The following HTR1F variants were observed in gnomAD, a reference collection of about 807,000 sequenced individuals.
HTR1F encodes the protein 5-hydroxytryptamine (serotonin) receptor 1F, G protein-coupled.
A neutral mutation model predicts 24.0 loss-of-function variants in HTR1F; 17 were observed. The ratio of observed to expected loss-of-function variants is 0.71; its 90% confidence interval spans 0.48 to 1.06. HTR1F has a LOEUF of 1.06. Among genes scored for constraint, HTR1F ranks in the 50% least tolerant of loss-of-function variants. The pLI is 0.00. For missense variants in HTR1F, 391 were observed against 427.8 expected (o/e 0.91, Z 0.76); for synonymous variants, 186 against 156.8 (o/e 1.19, Z -1.39).
chr3:87,945,023 T>G (rs1704661643), intron 2 of HTR1F, among the ~76,000 whole-genome samples: 2 of 152,096 alleles, frequency 1.3e-5, no homozygotes, highest in South Asian at 4.2e-4. Flanking sequence ...ACTGGTTGTT[T>G]TGTTTTGTTT....
rs571124511 is a variant in HTR1F, at chr3:87,926,659, T to C, written c.-42-64049T>C. On this transcript the variant is annotated intron_variant, in intron 2 of 2. Transcript: ENST00000319595. ...AATACTGCCCTCATATAGTGTATAC[T>C]GAAAGATCGTTTTATACTGAAAGAT... Among the ~76,000 whole-genome samples the C allele has an allele frequency of 3.3e-5, 5 of 152,274 alleles. No homozygotes were observed. In the South Asian group the frequency reaches 1.0e-3, roughly 32 times the overall value.
intron 2 of HTR1F, among the ~76,000 whole-genome samples, chr3:87,941,874 T>G (rs535322322): frequency 3.3e-5 from 5 of 152,118 alleles, no homozygotes; most frequent in African/African-American, 1.2e-4. Context: ...CACTGTCCAT[T>G]GGGTTTCTGT....
intron 2 of HTR1F, among the ~76,000 whole-genome samples, chr3:87,903,660 C>G (rs558156075): frequency 6.6e-5 from 10 of 151,882 alleles, no homozygotes; most frequent in African/African-American, 1.5e-4. Flanking sequence ...AATAGGAACA[C>G]TTTTACACTG....
At chr3:87,907,597 C>T (rs1284598840) in intron 2 of HTR1F, among the ~76,000 whole-genome samples, 2 of 151,928 alleles carry the variant, frequency 1.3e-5, no homozygotes, top group Non-Finnish European at 2.9e-5. Context: ...ACCATAGTCC[C>T]CATTTATCCT....
At chr3:87,835,767 C>T (rs1214322401) in intron 2 of HTR1F, among the ~76,000 whole-genome samples, 1 of 152,124 alleles carries the variant, frequency 6.6e-6, no homozygotes, top group Non-Finnish European at 1.5e-5. Flanking sequence ...AAAGAGATGT[C>T]CAAATTACAG....
rs1469970153 is a variant in HTR1F at position 87,993,745 on chromosome 3, A to T, written c.*1895A>T. 6.0e-6 allele frequency: 1 copy of T among 167,078 alleles called. No individual in the cohort carries two copies. Among genetic ancestry groups the T allele is most frequent in the Non-Finnish European group, 1.5e-5 (1 of 68,124 alleles). 10.3% of individuals were successfully genotyped at this position (167,078 alleles called of 1,614,324 possible). On this transcript the variant is annotated 3_prime_UTR_variant, in exon 3 of 3. Transcript: ENST00000319595. Reference sequence around the variant, plus strand: ...GTGGCTGACTTTGAACGTCAGAAAAAAGTCTACAGTCAATTTTATTGCTGA... The same window carrying T: ...GTGGCTGACTTTGAACGTCAGAAAATAGTCTACAGTCAATTTTATTGCTGA...
At chr3:87,960,438 C>A (rs1705036728) in intron 2 of HTR1F, among the ~76,000 whole-genome samples, 1 of 151,872 alleles carries the variant, frequency 6.6e-6, no homozygotes, top group Non-Finnish European at 1.5e-5. Flanking sequence ...CTAGGAATAG[C>A]AAAAGCCAAA....
At position 87,928,221 on chromosome 3, in the gene HTR1F, T is replaced by C. The variant is rs185843966; in HGVS notation, c.-42-62487T>C. 2.6e-5 allele frequency among the ~76,000 whole-genome samples: 4 copies of C among 152,140 alleles called. No homozygotes were observed. The South Asian group carries it at 6.2e-4, about 24-fold the overall frequency. On this transcript the variant is annotated intron_variant, in intron 2 of 2. Coordinates refer to ENST00000319595, the MANE Select transcript of HTR1F (RefSeq NM_001322209.2). ...CCACCACACCTGGCTAATTTTTGTA[T>C]TTTTAGTAGAGATGGGGTTTCACCA...
chr3:87,902,122 C>T (rs1464178132), intron 2 of HTR1F, among the ~76,000 whole-genome samples: 6 of 152,030 alleles, frequency 3.9e-5, no homozygotes, highest in Admixed American at 2.0e-4. Context: ...ACATACTCTT[C>T]AGTACCTAAA....
intron 2 of HTR1F, among the ~76,000 whole-genome samples, chr3:87,835,059 T>C (rs193257629): frequency 1.2e-4 from 19 of 152,300 alleles, no homozygotes; most frequent in Admixed American, 1.2e-3. Flanking sequence ...GATAGGTGTT[T>C]GAACTCCAAA....
At chr3:87,971,559 AAAAATAAAAT>A (rs1306266331) in intron 2 of HTR1F, among the ~76,000 whole-genome samples, 1 of 152,156 alleles carries the variant, frequency 6.6e-6, no homozygotes, top group Non-Finnish European at 1.5e-5. Context: ...ACCCTATCTC[AAAAATAAAAT>A]AAAATAAAAT....
rs187709253 is a variant in HTR1F at position 87,886,514 on chromosome 3, T to C, written c.-43+64390T>C. On this transcript the variant is annotated intron_variant, in intron 2 of 2. Transcript: ENST00000319595. ...AGGGCAATCAGGCAAGAGAAAGAAATAAAGGGTATTCAGTTAGGAAAAGAG... is the reference window on the plus strand; with the variant it reads ...AGGGCAATCAGGCAAGAGAAAGAAACAAAGGGTATTCAGTTAGGAAAAGAG... 2.0e-4 allele frequency among the ~76,000 whole-genome samples: 31 copies of C among 152,176 alleles called. No individual in the cohort carries two copies. The East Asian group carries it at 5.6e-3, about 28-fold the overall frequency.
At position 87,955,639 on chromosome 3, in the gene HTR1F, G is replaced by T. The variant is rs545334371; in HGVS notation, c.-42-35069G>T. Among the ~76,000 whole-genome samples the T allele has an allele frequency of 9.2e-5, 14 of 151,494 alleles. 1 individual carries two copies. In the South Asian group the frequency reaches 2.7e-3, roughly 29 times the overall value. ...TGCCAAATAGTTTTCCAAAGTAGTTGTACCATTTTATATTACTATTAATAA... is the reference window on the plus strand; with the variant it reads ...TGCCAAATAGTTTTCCAAAGTAGTTTTACCATTTTATATTACTATTAATAA... On this transcript the variant is annotated intron_variant, in intron 2 of 2. Coordinates refer to ENST00000319595, the MANE Select transcript of HTR1F (RefSeq NM_001322209.2).
chr3:87,804,059 T>C (rs1382225191), intron 1 of HTR1F, among the ~76,000 whole-genome samples: 4 of 152,164 alleles, frequency 2.6e-5, no homozygotes, highest in Non-Finnish European at 5.9e-5. Flanking sequence ...AGAAAAAAAC[T>C]GTATCCTCCT....
At chr3:87,985,269 AG>A (rs1705637859) in intron 2 of HTR1F, among the ~76,000 whole-genome samples, 1 of 151,804 alleles carries the variant, frequency 6.6e-6, no homozygotes, top group South Asian at 2.1e-4. Context: ...CAGGAGGCAG[AG>A]GTTGCGGTGA....
chr3:87,973,424 C>T (rs1705328972), intron 2 of HTR1F, among the ~76,000 whole-genome samples: 3 of 152,182 alleles, frequency 2.0e-5, no homozygotes, highest in South Asian at 2.1e-4. Context: ...CTTCAACCAT[C>T]TATTGACTCA....
chr3:87,926,619 T>A (rs1156675798), intron 2 of HTR1F, among the ~76,000 whole-genome samples: 2 of 152,160 alleles, frequency 1.3e-5, no homozygotes. Flanking sequence ...TACTTCTCTT[T>A]TAGTCCGTGG....
chr3:87,868,710 C>T (rs1705479519), intron 2 of HTR1F, among the ~76,000 whole-genome samples: 1 of 151,864 alleles, frequency 6.6e-6, no homozygotes, highest in Admixed American at 6.6e-5. Flanking sequence ...AAGCCTGTGT[C>T]TATAATGCAA....
chr3:87,837,936 T>C (rs1704717545), intron 2 of HTR1F, among the ~76,000 whole-genome samples: 1 of 152,096 alleles, frequency 6.6e-6, no homozygotes, highest in Non-Finnish European at 1.5e-5. Context: ...CTTATATTTT[T>C]AGAATTTCTT....
Sources: gnomAD v4.1 joint callset for allele counts (sites outside exome capture counted in the v4.1 genomes callset) on GRCh38, gnomAD v4.1.1 for gene constraint, MANE v1.5 for transcripts, NCBI Gene and HGNC (gene_info 2026-07-23, HGNC 2026-07-21) for gene names.